Variants in ZNF346 observed in about 807,000 individuals in gnomAD.
ZNF346 encodes the protein double-stranded RNA-binding zinc finger protein JAZ.
ZNF346 carries 23 observed loss-of-function variants against 33.7 expected under a neutral mutation model. The ratio of observed to expected loss-of-function variants is 0.68; its 90% CI spans 0.49 to 0.97. The LOEUF is 0.97. Among genes scored for constraint, ZNF346 ranks in the 50% least tolerant of loss-of-function variants. The probability of loss-of-function intolerance (pLI) is 0.00; values close to 1 mark genes in which losing one functional copy is unlikely to be tolerated. For missense variants in ZNF346, 340 were observed against 371.1 expected, an observed-to-expected ratio of 0.92 and a Z score of 0.69; for synonymous variants, 134 against 142.4, an observed-to-expected ratio of 0.94 and a Z score of 0.42.
chr5:177,054,814 A>G (rs1347492230), intron 5 of ZNF346, among the ~76,000 whole-genome samples: 1 of 152,176 alleles, frequency 6.6e-6, no homozygotes, highest in African/African-American at 2.4e-5. Flanking sequence ...TAATGATTGC[A>G]TAGTATAATC....
intron 8 of ZNF346, among the ~76,000 whole-genome samples, chr5:177,073,817 G>A (rs978639865): frequency 6.9e-6 from 1 of 145,562 alleles, no homozygotes. Context: ...TCAAGATCGG[G>A]CGGGCGGGGG....
chr5:177,023,172 C>T (rs1776112706), intron 1 of ZNF346: 1 of 1,536,086 alleles, frequency 6.5e-7, no homozygotes, highest in Non-Finnish European at 8.7e-7. Context: ...CAGTTTTTCC[C>T]ACATTCGAGG....
At chr5:177,048,951 A>C (rs1780488383) in intron 4 of ZNF346, among the ~76,000 whole-genome samples, 1 of 151,472 alleles carries the variant, frequency 6.6e-6, no homozygotes, top group African/African-American at 2.4e-5. Context: ...CACCCAGCTA[A>C]TTTTGTATTT....
intron 8 of ZNF346, among the ~76,000 whole-genome samples, chr5:177,076,511 G>A (rs1783750834): frequency 6.6e-6 from 1 of 152,192 alleles, no homozygotes; most frequent in African/African-American, 2.4e-5. Context: ...TGATGGGCCT[G>A]TCTTCAGCAA....
chr5:177,071,688 AAAAAAAAAAG>A (rs1242068685), downstream of ZNF346, among the ~76,000 whole-genome samples: 2 of 106,234 alleles, frequency 1.9e-5, no homozygotes, highest in East Asian at 4.8e-4. Flanking sequence ...CTGTCTCAAA[AAAAAAAAAAG>A]AAGAAGAAGA....
At chr5:177,056,479 GGCACTATTCACAATAGCAAA>G in intron 5 of ZNF346, among the ~76,000 whole-genome samples, 1 of 152,094 alleles carries the variant, frequency 6.6e-6, no homozygotes, top group East Asian at 1.9e-4. Flanking sequence ...TGTTTATTGC[GGCACTATTCACAATAGCAAA>G]GACTTGGAAC....
intron 1 of ZNF346, among the ~76,000 whole-genome samples, chr5:177,040,011 T>C (rs960974755): frequency 2.0e-5 from 3 of 151,914 alleles, no homozygotes; most frequent in Admixed American, 1.3e-4. Context: ...AAACCCCGTC[T>C]CTACTAAAAA....
intron 8 of ZNF346, among the ~76,000 whole-genome samples, chr5:177,075,940 G>A (rs1011440035): frequency 3.9e-5 from 6 of 152,174 alleles, no homozygotes; most frequent in African/African-American, 7.2e-5. Context: ...ACCTGCCTCA[G>A]CCTCCCAAAG....
rs1398980601 is a variant in ZNF346 at position 177,062,054 on chromosome 5, T to A, written c.704-4T>A. ...ACTAAGATCTTGATTTTGATGTGTT[T>A]CAGCTGGAAAGGGCTACCCCTGCAA... is the stretch of plus-strand genomic sequence containing the variant. On this transcript the variant is annotated splice_polypyrimidine_tract_variant and splice_region_variant and intron_variant, in intron 5 of 6. Coordinates refer to ENST00000358149, the MANE Select transcript of ZNF346 (RefSeq NM_012279.4). The A allele has an allele frequency of 3.1e-6, 5 of 1,612,920 alleles. 1 individual carries two copies. The highest frequency in any genetic ancestry group is 1.7e-4 in the Middle Eastern group (1 of 6,060).
At chr5:177,076,063 G>A (rs1049141976) in intron 8 of ZNF346, among the ~76,000 whole-genome samples, 5 of 151,010 alleles carry the variant, frequency 3.3e-5, no homozygotes, top group African/African-American at 7.3e-5. Flanking sequence ...AATCCTCCTC[G>A]CTCAGCCTCC....
rs537272003 is a variant in ZNF346, at chr5:177,037,991, A to G, written c.176-3135A>G. ...CCATTCTTTGAACATGGAATATGCC[A>G]AACTCATCCCTGCCTCACAGACTTA... On this transcript the variant is annotated intron_variant, in intron 1 of 6. Transcript: ENST00000358149. 2.6e-5 allele frequency among the ~76,000 whole-genome samples: 4 copies of G among 152,112 alleles called. No homozygotes were observed. The East Asian group carries it at 7.7e-4, about 29-fold the overall frequency.
Position 177,050,768 on chromosome 5 carries a change from G to C in ZNF346, c.535G>C (p.Glu179Gln). ...CACCTTAGCCTTGCACCAGAATAGAGAGATGATAGACCCAGACAAGTTCTG... is the reference window on the plus strand; with the variant it reads ...CACCTTAGCCTTGCACCAGAATAGACAGATGATAGACCCAGACAAGTTCTG... ...TKVEALHQNR[E>Q]MIDPDKFCSL... The change falls in exon 5 of 7, where the codon GAG (glutamate) becomes CAG (glutamine). Residue 179 changes from glutamate to glutamine, a missense_variant. By Grantham distance (29) the Glu-to-Gln change is conservative. Transcript: ENST00000358149. 1 of 1,614,194 alleles carries C rather than the reference G, an allele frequency of 6.2e-7. No individual in the cohort carries two copies. Among genetic ancestry groups the C allele is most frequent in the Non-Finnish European group, 8.5e-7 (1 of 1,180,042 alleles).
Position 177,022,810 on chromosome 5 carries a change from G to T in ZNF346, c.72G>T (p.Glu24Asp). The change falls in exon 1 of 7, where the codon GAG becomes GAT. Residue 24 changes from glutamate to aspartate, a missense_variant. Transcript: ENST00000358149. ...GGAAGPYSSSELLEGQEPDGV... is the reference protein window; with the variant it reads ...GGAAGPYSSSDLLEGQEPDGV... The stretch of plus-strand genomic sequence containing the variant: ...CGGCCGGGCCTTACAGCAGCTCGGA[G>T]TTGCTGGAGGGCCAGGAGCCGGACG... The T allele has an allele frequency of 6.5e-7, 1 of 1,543,564 alleles. No individual in the cohort carries two copies.
At chr5:177,034,781 G>A (rs1181638546) in intron 1 of ZNF346, among the ~76,000 whole-genome samples, 1 of 152,170 alleles carries the variant, frequency 6.6e-6, no homozygotes, top group African/African-American at 2.4e-5. Context: ...TATTGTTGCT[G>A]TCAAAAAAGG....
At chr5:177,053,889 T>A (rs933452850) in intron 5 of ZNF346, among the ~76,000 whole-genome samples, 3 of 152,154 alleles carry the variant, frequency 2.0e-5, no homozygotes, top group Non-Finnish European at 4.4e-5. Flanking sequence ...AAACCCTCTA[T>A]ATACGGTGTT....
rs746471690 is a variant in ZNF346, at chr5:177,073,603, C to T, written c.*3-5779C>T. Among the ~76,000 whole-genome samples the T allele has an allele frequency of 8.9e-4, 136 of 152,178 alleles. 1 individual carries two copies. The Middle Eastern group carries it at 0.014, about 15-fold the overall frequency. ...GCAGACGTGAGCCACCGCACCTGGC[C>T]GGAAAGACTTATTGAGGGAGATGAT... is the stretch of plus-strand genomic sequence containing the variant. On this transcript the variant is annotated intron_variant, in intron 8 of 8. Transcript: ENST00000503039.
rs1046498870 is a variant in ZNF346, at chr5:177,067,437, C to T, written c.*2838C>T. Among the ~76,000 whole-genome samples, 8 of 152,132 alleles carry T rather than the reference C, an allele frequency of 5.3e-5. No individual in the cohort carries two copies. Among genetic ancestry groups the T allele is most frequent in the Non-Finnish European group, 1.2e-4 (8 of 68,034 alleles). On this transcript the variant is annotated 3_prime_UTR_variant, in exon 7 of 7. Transcript: ENST00000358149. The stretch of plus-strand genomic sequence containing the variant: ...ACACAGCCCCAAGGGAGGTTCTCAG[C>T]TTCCCATGATCAGACTGCCTCAGCA...
intron 1 of ZNF346, among the ~76,000 whole-genome samples, chr5:177,038,069 T>TC (rs1455951403): frequency 6.6e-6 from 1 of 150,492 alleles, no homozygotes; most frequent in African/African-American, 2.5e-5. Flanking sequence ...GGCTGACACT[T>TC]CCCCATGATG....
chr5:177,080,446 T>A (rs1414403023), exon 9 of ZNF346: 1 of 152,218 alleles, frequency 6.6e-6, no homozygotes, highest in African/African-American at 2.4e-5. Flanking sequence ...TTATTCCCAT[T>A]TCACAGAAGA....
Sources: gnomAD v4.1 joint callset for allele counts (sites outside exome capture counted in the v4.1 genomes callset) on GRCh38, gnomAD v4.1.1 for gene constraint, MANE v1.5 for transcripts, NCBI Gene and HGNC (gene_info 2026-07-23, HGNC 2026-07-21) for gene names.